Variants in ULK4 observed in about 807,000 individuals in gnomAD.
The protein encoded by ULK4 is inactive serine/threonine-protein kinase ULK4.
Under a neutral mutation model 160.6 loss-of-function variants are expected in ULK4, and 133 were observed. The observed-to-expected ratio is 0.83, with a 90% CI of 0.72 to 0.96. The LOEUF (loss-of-function observed/expected upper bound fraction) is 0.96. Ranked by LOEUF, ULK4 falls within the 40% of genes least tolerant of loss-of-function variation. The pLI is 0.00. For synonymous variants in ULK4, 534 were observed against 539.8 expected, an observed-to-expected ratio of 0.99 and a Z score of 0.15; for missense variants, 1,580 against 1,499.5, an observed-to-expected ratio of 1.05 and a Z score of -0.89.
At chr3:41,728,255 GT>G in intron 22 of ULK4, among the ~76,000 whole-genome samples, 1 of 152,162 alleles carries the variant, frequency 6.6e-6, no homozygotes. Context: ...AGAAAACAAT[GT>G]GTATTTGGCT....
intron 22 of ULK4, among the ~76,000 whole-genome samples, chr3:41,736,963 T>C (rs1033355513): frequency 2.0e-5 from 3 of 151,922 alleles, no homozygotes; most frequent in African/African-American, 7.3e-5. Flanking sequence ...CTTTCCCCAT[T>C]GCTTGTGTTT....
chr3:41,738,659 C>T (rs916691792), intron 22 of ULK4, among the ~76,000 whole-genome samples: 2 of 151,836 alleles, frequency 1.3e-5, no homozygotes, highest in Admixed American at 6.6e-5. Context: ...TCTGCAGCTC[C>T]GAGGTCTACA....
intron 35 of ULK4, among the ~76,000 whole-genome samples, chr3:41,326,863 C>T (rs145510534): frequency 2.6e-4 from 40 of 152,248 alleles, no homozygotes; most frequent in Non-Finnish European, 4.7e-4. Flanking sequence ...CAGAGGGACC[C>T]CCGACTCAGC....
chr3:41,918,618 T>C lies in ULK4; in HGVS notation c.644-78A>G, dbSNP rs984176210. 10 of 539,364 alleles carry C rather than the reference T, an allele frequency of 1.9e-5. No homozygotes were observed. The African/African-American group carries it at 2.2e-4, about 12-fold the overall frequency. The allele number at this position is 539,364 out of a possible 1,614,324, so 33.4% of individuals were successfully genotyped here. A position where few individuals can be genotyped will look rare whatever the true frequency, so the allele number is the denominator to read the frequency against. ...TTCTTTTTTTTTTTTTTTTTTTTTTTTGAGATGGAGTCTTGCTCTGTCACC... is the reference window on the plus strand; with the variant it reads ...TTCTTTTTTTTTTTTTTTTTTTTTTCTGAGATGGAGTCTTGCTCTGTCACC... On this transcript the variant is annotated intron_variant, in intron 6 of 36. Coordinates refer to ENST00000301831, the MANE Select transcript of ULK4 (RefSeq NM_017886.4).
At chr3:41,461,070 C>T (rs1575254118) in intron 33 of ULK4, among the ~76,000 whole-genome samples, 1 of 152,090 alleles carries the variant, frequency 6.6e-6, no homozygotes, top group Admixed American at 6.5e-5. Context: ...GAACAGGGAC[C>T]AGTTTTAAAT....
At position 41,882,986 on chromosome 3, in the gene ULK4, C is replaced by T. The variant is rs1697578860; in HGVS notation, c.1656+888G>A. ...ATAGGTCACAATTCATTTTTTTAGG[C>T]CCCCCAAAAAAGGAAAAATTTAGAC... On this transcript the variant is annotated intron_variant, in intron 17 of 36. Coordinates refer to ENST00000301831, the MANE Select transcript of ULK4 (RefSeq NM_017886.4). Among the ~76,000 whole-genome samples the T allele has an allele frequency of 2.6e-5, 4 of 151,970 alleles. 1 individual carries two copies. In the South Asian group the frequency reaches 8.3e-4, roughly 32 times the overall value.
intron 34 of ULK4, 102 bp downstream of exon 34, chr3:41,455,395 G>T: frequency 9.2e-7 from 1 of 1,088,364 alleles, no homozygotes; most frequent in South Asian, 1.6e-5. Context: ...CTCTAGTTTT[G>T]AAGGGAATAA....
At chr3:41,661,428 CAT>C (rs1482336412) in intron 30 of ULK4, among the ~76,000 whole-genome samples, 2 of 150,660 alleles carry the variant, frequency 1.3e-5, no homozygotes, top group South Asian at 4.2e-4. Flanking sequence ...GGTATATACA[CAT>C]ATGTGTGTGT....
intron 32 of ULK4, among the ~76,000 whole-genome samples, chr3:41,498,720 C>G (rs560485829): frequency 6.6e-6 from 1 of 151,984 alleles, no homozygotes; most frequent in Non-Finnish European, 1.5e-5. Context: ...CTCAGCCTCC[C>G]GAGTAGCTGG....
At chr3:41,826,149 C>T (rs1021317918) in intron 18 of ULK4, among the ~76,000 whole-genome samples, 3 of 152,090 alleles carry the variant, frequency 2.0e-5, no homozygotes, top group East Asian at 1.9e-4. Flanking sequence ...TACAAGAGCT[C>T]CTGAAGGAAG....
At chr3:41,614,313 G>A (rs2032849167) in intron 31 of ULK4, among the ~76,000 whole-genome samples, 1 of 152,170 alleles carries the variant, frequency 6.6e-6, no homozygotes, top group Admixed American at 6.5e-5. Flanking sequence ...AAATGTAGCT[G>A]AGTTTGGACA....
chr3:41,861,824 T>C (rs1428568823), intron 17 of ULK4, among the ~76,000 whole-genome samples: 2 of 152,164 alleles, frequency 1.3e-5, no homozygotes. Context: ...GGCGTGCTTC[T>C]TGTTTTTTCT....
chr3:41,643,379 G>A (rs1463610414), intron 30 of ULK4, among the ~76,000 whole-genome samples: 3 of 152,196 alleles, frequency 2.0e-5, no homozygotes, highest in Non-Finnish European at 4.4e-5. Flanking sequence ...TAAGGTGTAA[G>A]GAAGGGAACC....
chr3:41,305,424 G>A (rs2079889082), intron 35 of ULK4, among the ~76,000 whole-genome samples: 1 of 152,264 alleles, frequency 6.6e-6, no homozygotes, highest in Non-Finnish European at 1.5e-5. Context: ...GTTTCGCTGT[G>A]TTGGCCAGGC....
intron 35 of ULK4, among the ~76,000 whole-genome samples, chr3:41,364,930 T>C (rs1189831084): frequency 6.6e-6 from 1 of 152,220 alleles, no homozygotes; most frequent in East Asian, 1.9e-4. Context: ...GGGGATCTCA[T>C]TAAAATGCAG....
At chr3:41,452,611 A>G (rs1452268050) in intron 34 of ULK4, among the ~76,000 whole-genome samples, 1 of 152,154 alleles carries the variant, frequency 6.6e-6, no homozygotes, top group Non-Finnish European at 1.5e-5. Context: ...TAACTACATA[A>G]AACAGAAGTG....
chr3:41,500,450 G>A (rs1340826726), intron 32 of ULK4, among the ~76,000 whole-genome samples: 2 of 151,938 alleles, frequency 1.3e-5, no homozygotes, highest in Non-Finnish European at 2.9e-5. Flanking sequence ...TTTACTTTCT[G>A]TGATGATTAA....
At chr3:41,432,728 T>C (rs2082941241) in intron 34 of ULK4, among the ~76,000 whole-genome samples, 1 of 152,202 alleles carries the variant, frequency 6.6e-6, no homozygotes, top group African/African-American at 2.4e-5. Flanking sequence ...GAAATGATAA[T>C]TTCATAAGAT....
At chr3:41,672,946 T>C (rs1315889288) in intron 29 of ULK4, among the ~76,000 whole-genome samples, 1 of 152,150 alleles carries the variant, frequency 6.6e-6, no homozygotes, top group Admixed American at 6.5e-5. Flanking sequence ...TAAGGAATCC[T>C]CCTACCTCAG....
Sources: allele counts gnomAD v4.1 joint callset (sites outside exome capture counted in the v4.1 genomes callset), GRCh38; gene constraint gnomAD v4.1.1; transcripts MANE v1.5; gene names NCBI Gene and HGNC (gene_info 2026-07-23, HGNC 2026-07-21).